The following PNPT1 variants were observed in gnomAD, a reference collection of about 807,000 sequenced individuals.
PNPT1 encodes the protein polyribonucleotide nucleotidyltransferase 1, mitochondrial.
Under a neutral mutation model 119.5 loss-of-function variants are expected in PNPT1, and 53 were observed. The ratio of observed to expected loss-of-function variants is 0.44; its 90% CI spans 0.36 to 0.56. The LOEUF (loss-of-function observed/expected upper bound fraction) is 0.56. Among genes scored for constraint, PNPT1 ranks in the 20% least tolerant of loss-of-function variants. PNPT1 has a pLI of 0.00. For synonymous variants in PNPT1, 357 were observed against 322.1 expected (o/e 1.11, Z -1.16); for missense variants, 948 against 938.5 (o/e 1.01, Z -0.13).
Position 55,671,403 on chromosome 2 carries a change from T to C in PNPT1, c.919-27A>G, listed in dbSNP as rs374816636. On this transcript the variant is annotated intron_variant, in intron 10 of 27. Coordinates refer to ENST00000447944, the MANE Select transcript of PNPT1 (RefSeq NM_033109.5). ...TAAAAGAAAGTTGAGGTTCAGTTAT[T>C]ACATATACATGACAACATTTAATAT... 2.2e-6 allele frequency: 3 copies of C among 1,348,856 alleles called. No homozygotes were observed. In the African/African-American group the frequency reaches 4.5e-5, roughly 20 times the overall value. 83.6% of individuals were successfully genotyped at this position (1,348,856 alleles called of 1,614,324 possible). A position where few individuals can be genotyped will look rare whatever the true frequency, so the allele number is the denominator to read the frequency against.
At chr2:55,654,347 C>G (rs1254996960) in intron 18 of PNPT1, among the ~76,000 whole-genome samples, 2 of 152,108 alleles carry the variant, frequency 1.3e-5, no homozygotes, top group African/African-American at 4.8e-5. Context: ...TGTAGTCCGC[C>G]TTCCTAAAAT....
intron 18 of PNPT1, among the ~76,000 whole-genome samples, chr2:55,649,726 A>T (rs1016318655): frequency 3.3e-5 from 5 of 152,202 alleles, no homozygotes; most frequent in Admixed American, 1.3e-4. Flanking sequence ...CTTTCAGGAA[A>T]TTTTTGTACA....
At chr2:55,664,001 C>T (rs1696659390) in intron 13 of PNPT1, among the ~76,000 whole-genome samples, 1 of 151,986 alleles carries the variant, frequency 6.6e-6, no homozygotes, top group Non-Finnish European at 1.5e-5. Context: ...AAAAAGAAAA[C>T]TCATAGGATG....
intron 17 of PNPT1, 22 bp from the exon 18 acceptor site, chr2:55,654,975 C>A: frequency 6.2e-7 from 1 of 1,601,888 alleles, no homozygotes; most frequent in Non-Finnish European, 8.5e-7. Flanking sequence ...AAAATAACTG[C>A]TTTATATTAA....
intron 8 of PNPT1, among the ~76,000 whole-genome samples, chr2:55,674,549 C>G (rs555579421): frequency 6.6e-6 from 1 of 152,074 alleles, no homozygotes. Context: ...GCTGAGATCA[C>G]GCCACTGCAC....
chr2:55,641,363 G>A (rs958631348), intron 25 of PNPT1, among the ~76,000 whole-genome samples: 4 of 149,758 alleles, frequency 2.7e-5, no homozygotes, highest in Non-Finnish European at 5.9e-5. Context: ...CCGCCTCCCA[G>A]GTTCAAGTCA....
intron 14 of PNPT1, among the ~76,000 whole-genome samples, chr2:55,661,026 TAAA>T (rs1696552373): frequency 6.7e-6 from 1 of 148,422 alleles, no homozygotes; most frequent in Non-Finnish European, 1.5e-5. Context: ...CTGAGGAAAA[TAAA>T]GAACTGGCTA....
intron 1 of PNPT1, among the ~76,000 whole-genome samples, chr2:55,688,428 C>T (rs931237892): frequency 1.3e-5 from 2 of 151,940 alleles, no homozygotes; most frequent in African/African-American, 2.4e-5. Context: ...TGTTTCCCTA[C>T]TTAAAAATCC....
chr2:55,658,959 T>C (rs1190820696), intron 15 of PNPT1, among the ~76,000 whole-genome samples: 1 of 152,220 alleles, frequency 6.6e-6, no homozygotes, highest in African/African-American at 2.4e-5. Context: ...GTATTCTTTT[T>C]CTTTTTATTT....
chr2:55,669,530 T>C (rs1696839718), intron 11 of PNPT1, among the ~76,000 whole-genome samples: 1 of 152,192 alleles, frequency 6.6e-6, no homozygotes, highest in Non-Finnish European at 1.5e-5. Flanking sequence ...TGAGTTGTAC[T>C]TGGAAAGGAA....
At chr2:55,668,045 A>G in intron 11 of PNPT1, 87 bp from the exon 12 acceptor site, 2 of 1,157,006 alleles carry the variant, frequency 1.7e-6, no homozygotes, top group Non-Finnish European at 2.4e-6. Context: ...ATATCAACTA[A>G]CTACGGGAAT....
At chr2:55,691,528 C>G (rs1165584180) in intron 1 of PNPT1, among the ~76,000 whole-genome samples, 2 of 152,110 alleles carry the variant, frequency 1.3e-5, no homozygotes, top group African/African-American at 2.4e-5. Context: ...TTAAAAAGAA[C>G]TACCTACAAA....
At position 55,640,638 on chromosome 2, in the gene PNPT1, C is replaced by G. The variant is rs752550279; in HGVS notation, c.2137G>C (p.Asp713His). ...ATCTGTCTTTTTACCTTTCGTTGATCAAGTTGTGTGTTATGAAGCAGTACC... is the reference window on the plus strand; with the variant it reads ...ATCTGTCTTTTTACCTTTCGTTGATGAAGTTGTGTGTTATGAAGCAGTACC... ...TAVLLHNTQL[D>H]QRKIKHPTAL... The change falls in exon 26 of 28, where the codon GAT becomes CAT. Residue 713 changes from aspartate to histidine, a missense_variant. Coordinates refer to ENST00000447944, the MANE Select transcript of PNPT1 (RefSeq NM_033109.5). 1.3e-6 allele frequency: 2 copies of G among 1,585,878 alleles called. No individual in the cohort carries two copies. Among genetic ancestry groups the G allele is most frequent in the Non-Finnish European group, 8.7e-7 (1 of 1,155,490 alleles).
At chr2:55,666,892 C>G in intron 13 of PNPT1, 99 bp downstream of exon 13, 1 of 718,494 alleles carries the variant, frequency 1.4e-6, no homozygotes. Context: ...ATAATATACA[C>G]CATATGACAA....
At chr2:55,645,099 C>T in intron 22 of PNPT1, 1 of 286,682 alleles carries the variant, frequency 3.5e-6, no homozygotes, top group Middle Eastern at 1.1e-3. Context: ...TCTCGGCTCA[C>T]TGCAAGCTCC....
chr2:55,684,179 T>C (rs1697327526), intron 4 of PNPT1, among the ~76,000 whole-genome samples: 1 of 152,222 alleles, frequency 6.6e-6, no homozygotes, highest in South Asian at 2.1e-4. Context: ...GTCTGAAGAC[T>C]GTATATAAAT....
rs374166754 is a variant in PNPT1 at position 55,636,382 on chromosome 2, A to G, written c.2207T>C (p.Phe736Ser). The change falls in exon 28 of 28, where the codon TTT becomes TCT. Residue 736 changes from phenylalanine (F) to serine (S), a missense_variant. Phe to Ser is a radical substitution (Grantham distance 155). Coordinates refer to ENST00000447944, the MANE Select transcript of PNPT1 (RefSeq NM_033109.5). The part of the protein sequence containing the change: ...EVGQEIQVKY[F>S]GRDPADGRMR... ...TCTTCCATCGGCTGGGTCACGTCCAAAGTATTTCACCTGTGTTAAAGAAAC... is the reference window on the plus strand; with the variant it reads ...TCTTCCATCGGCTGGGTCACGTCCAGAGTATTTCACCTGTGTTAAAGAAAC... 1 of 1,613,898 alleles carries G rather than the reference A, an allele frequency of 6.2e-7. No individual in the cohort carries two copies. Among genetic ancestry groups the G allele is most frequent in the Admixed American group, 1.7e-5 (1 of 59,986 alleles).
chr2:55,649,829 A>G (rs1696114824), intron 18 of PNPT1, among the ~76,000 whole-genome samples: 2 of 152,228 alleles, frequency 1.3e-5, no homozygotes, highest in African/African-American at 4.8e-5. Flanking sequence ...TATTTAATCC[A>G]TATTAAATAA....
At chr2:55,642,066 C>A (rs145149461) in intron 25 of PNPT1, among the ~76,000 whole-genome samples, 1 of 151,910 alleles carries the variant, frequency 6.6e-6, no homozygotes, top group Non-Finnish European at 1.5e-5. Context: ...GCTCTCGAAC[C>A]CCCCACTTCC....
Sources: gnomAD v4.1 joint callset for allele counts (sites outside exome capture counted in the v4.1 genomes callset) on GRCh38, gnomAD v4.1.1 for gene constraint, MANE v1.5 for transcripts, NCBI Gene and HGNC (gene_info 2026-07-23, HGNC 2026-07-21) for gene names.